MAF: variants seen among roughly 807,000 people sequenced by gnomAD.
MAF encodes the protein MAF bZIP transcription factor, also known as transcription factor Maf.
In MAF, 10 loss-of-function variants were observed where a neutral mutation model predicts 22.0. That is an observed-to-expected ratio of 0.45 (90% CI 0.28 to 0.77). The LOEUF (loss-of-function observed/expected upper bound fraction) is 0.77, where lower values mean the gene tolerates loss of function less well. MAF is among the 30% of genes least tolerant of loss of function. MAF has a pLI of 0.12. For synonymous variants in MAF, 337 were observed against 255.8 expected (o/e 1.32, Z -3.03); for missense variants, 544 against 548.4 (o/e 0.99, Z 0.08).
chr16:79,291,319 G>A, the MAF span, among the ~76,000 whole-genome samples: 38 of 152,190 alleles, frequency 2.5e-4, 1 homozygote, highest in South Asian at 6.4e-3. Flanking sequence ...TGGGAGGGAC[G>A]GAGAAGCCAG....
the MAF span, among the ~76,000 whole-genome samples, chr16:79,307,128 G>A: frequency 5.3e-5 from 8 of 152,172 alleles, no homozygotes; most frequent in Non-Finnish European, 1.0e-4. Context: ...GTAGGTCTCC[G>A]CAGTCCATGT....
chr16:79,415,918 T>C, the MAF span, among the ~76,000 whole-genome samples: 1 of 152,048 alleles, frequency 6.6e-6, no homozygotes, highest in Non-Finnish European at 1.5e-5. Context: ...CCTTGGTGTA[T>C]TGTATTACGG....
the MAF span, among the ~76,000 whole-genome samples, chr16:79,237,163 T>G: frequency 1.3e-5 from 2 of 152,008 alleles, no homozygotes; most frequent in Non-Finnish European, 2.9e-5. Context: ...GATGAAATAA[T>G]AATTTTTAAA....
At chr16:79,422,428 C>G in the MAF span, among the ~76,000 whole-genome samples, 7 of 152,230 alleles carry the variant, frequency 4.6e-5, no homozygotes, top group South Asian at 1.5e-3. Flanking sequence ...CCCGGGGACC[C>G]CAGAGTCTTG....
the MAF span, among the ~76,000 whole-genome samples, chr16:79,300,684 A>C: frequency 0.14 from 21,427 of 150,660 alleles, 1,675 homozygotes; most frequent in Middle Eastern, 0.22. Context: ...ACCAAAAACA[A>C]CCCATTTCTT....
chr16:79,287,668 T>G, the MAF span, among the ~76,000 whole-genome samples: 1 of 152,228 alleles, frequency 6.6e-6, no homozygotes, highest in Non-Finnish European at 1.5e-5. Flanking sequence ...TGTTGAGCCA[T>G]TTATTTGCTC....
At chr16:79,465,235 A>G in the MAF span, among the ~76,000 whole-genome samples, 1 of 152,224 alleles carries the variant, frequency 6.6e-6, no homozygotes, top group African/African-American at 2.4e-5. Flanking sequence ...CCATGGATAC[A>G]GAGGGCCAAC....
chr16:79,533,219 G>T, the MAF span, among the ~76,000 whole-genome samples: 2 of 152,262 alleles, frequency 1.3e-5, no homozygotes, highest in Admixed American at 1.3e-4. Context: ...CAACATAAGA[G>T]TTGCTCATAT....
At chr16:79,378,206 G>C in the MAF span, among the ~76,000 whole-genome samples, 3 of 152,112 alleles carry the variant, frequency 2.0e-5, no homozygotes, top group Non-Finnish European at 4.4e-5. Flanking sequence ...ATTTGCAGCA[G>C]TACGGCAACT....
chr16:79,287,698 C>A, the MAF span, among the ~76,000 whole-genome samples: 1,120 of 152,324 alleles, frequency 7.4e-3, 16 homozygotes, highest in African/African-American at 0.025. Flanking sequence ...TCCACTCATT[C>A]TTTCATTCAC....
chr16:79,262,220 G>C, the MAF span, among the ~76,000 whole-genome samples: 2 of 152,112 alleles, frequency 1.3e-5, no homozygotes, highest in Non-Finnish European at 2.9e-5. Flanking sequence ...AGGTTTGGGG[G>C]ACTGAGCTCC....
the MAF span, among the ~76,000 whole-genome samples, chr16:79,208,020 C>T: frequency 6.6e-6 from 1 of 152,208 alleles, no homozygotes; most frequent in Non-Finnish European, 1.5e-5. Flanking sequence ...CAACTGCTTT[C>T]TAAATCCCAC....
At chr16:79,413,812 G>A in the MAF span, among the ~76,000 whole-genome samples, 2 of 152,158 alleles carry the variant, frequency 1.3e-5, no homozygotes, top group African/African-American at 2.4e-5. Flanking sequence ...GCCAGGGGAA[G>A]GGTGGTTTTG....
At chr16:79,539,081 G>T in the MAF span, among the ~76,000 whole-genome samples, 2 of 152,162 alleles carry the variant, frequency 1.3e-5, no homozygotes, top group Non-Finnish European at 2.9e-5. Flanking sequence ...GCTTGACTAT[G>T]AAAGAAAGTT....
chr16:79,347,830 C>A, the MAF span, among the ~76,000 whole-genome samples: 1 of 152,132 alleles, frequency 6.6e-6, no homozygotes, highest in Non-Finnish European at 1.5e-5. Flanking sequence ...GACTCAGGAA[C>A]CATGGATTCT....
chr16:79,556,161 A>G, the MAF span, among the ~76,000 whole-genome samples: 8 of 152,224 alleles, frequency 5.3e-5, no homozygotes, highest in African/African-American at 1.2e-4. Flanking sequence ...ATCTGATTGT[A>G]TAAGATATTA....
the MAF span, among the ~76,000 whole-genome samples, chr16:79,308,231 G>A: frequency 6.6e-6 from 1 of 152,174 alleles, no homozygotes; most frequent in Non-Finnish European, 1.5e-5. Flanking sequence ...TAAGACACCT[G>A]GAATGATCAG....
chr16:79,233,042 G>A, the MAF span, among the ~76,000 whole-genome samples: 29 of 151,704 alleles, frequency 1.9e-4, no homozygotes, highest in Non-Finnish European at 1.8e-4. Flanking sequence ...GGGTGTCACC[G>A]TGTTAGCCAG....
the MAF span, among the ~76,000 whole-genome samples, chr16:79,236,118 T>C: frequency 8.5e-5 from 13 of 152,054 alleles, no homozygotes; most frequent in Non-Finnish European, 1.6e-4. Flanking sequence ...CTTCCACAGC[T>C]AGAAGAATAT....
Sources: gnomAD v4.1 joint callset for allele counts (sites outside exome capture counted in the v4.1 genomes callset) on GRCh38, gnomAD v4.1.1 for gene constraint, MANE v1.5 for transcripts, NCBI Gene and HGNC (gene_info 2026-07-23, HGNC 2026-07-21) for gene names.